Variants in TGDS observed in about 807,000 individuals in gnomAD.
The protein encoded by TGDS is UDP-D-glucose 4,6-dehydratase.
A neutral mutation model predicts 52.3 loss-of-function variants in TGDS; 47 were observed. The observed-to-expected ratio is 0.90, with a 90% CI of 0.71 to 1.15. The LOEUF (loss-of-function observed/expected upper bound fraction) is 1.15. Among genes scored for constraint, TGDS ranks in the 50% most tolerant of loss-of-function variants. The probability of loss-of-function intolerance (pLI) is 0.00; values close to 1 mark genes in which losing one functional copy is unlikely to be tolerated. For missense variants in TGDS, 375 were observed against 418.4 expected (o/e 0.90, Z 0.90); for synonymous variants, 115 against 136.9 (o/e 0.84, Z 1.12).
At chr13:94,589,535 C>T (rs1354412242) in intron 4 of TGDS, among the ~76,000 whole-genome samples, 2 of 151,906 alleles carry the variant, frequency 1.3e-5, no homozygotes, top group Admixed American at 6.6e-5. Context: ...AGGATGGTCT[C>T]GATTTCCTGA....
intron 10 of TGDS, 69 bp from the exon 11 acceptor site, chr13:94,576,480 ATG>A: frequency 9.3e-7 from 1 of 1,074,208 alleles, no homozygotes; most frequent in Non-Finnish European, 1.3e-6. Context: ...ATTAGGAGAT[ATG>A]TGTTTATGCA....
At chr13:94,583,686 G>T (rs1373375913) in intron 4 of TGDS, among the ~76,000 whole-genome samples, 2 of 152,070 alleles carry the variant, frequency 1.3e-5, no homozygotes, top group Non-Finnish European at 2.9e-5. Context: ...CCTTAATGAT[G>T]AATCACAATC....
intron 3 of TGDS, 92 bp downstream of exon 3, chr13:94,592,149 A>G: frequency 1.1e-6 from 1 of 920,644 alleles, no homozygotes; most frequent in Non-Finnish European, 1.6e-6. Flanking sequence ...GTTCTTTTCA[A>G]GCCCACATTA....
At chr13:94,590,191 T>G (rs1889148794) in intron 4 of TGDS, among the ~76,000 whole-genome samples, 1 of 147,912 alleles carries the variant, frequency 6.8e-6, no homozygotes, top group Admixed American at 6.8e-5. Flanking sequence ...AAAATATATA[T>G]TTAACATATA....
intron 4 of TGDS, 49 bp downstream of exon 4, chr13:94,590,804 G>A: frequency 2.1e-6 from 3 of 1,419,850 alleles, no homozygotes; most frequent in Non-Finnish European, 2.9e-6. Context: ...GGGGGGCGAG[G>A]GCGGGGAGAG....
intron 1 of TGDS, among the ~76,000 whole-genome samples, chr13:94,595,413 G>C (rs1889340180): frequency 6.6e-6 from 1 of 152,186 alleles, no homozygotes; most frequent in African/African-American, 2.4e-5. Context: ...TGACTTGTAT[G>C]TGAGCAACAG....
At chr13:94,578,658 A>G in intron 8 of TGDS, 72 bp downstream of exon 8, 2 of 1,178,398 alleles carry the variant, frequency 1.7e-6, no homozygotes, top group Non-Finnish European at 2.5e-6. Flanking sequence ...ACTTTATGAT[A>G]TTTAAGAAAG....
At chr13:94,585,023 A>T (rs923468400) in intron 4 of TGDS, among the ~76,000 whole-genome samples, 2 of 152,124 alleles carry the variant, frequency 1.3e-5, no homozygotes, top group African/African-American at 4.8e-5. Context: ...TTTCCATAAC[A>T]ATTAAATCTC....
At chr13:94,581,314 C>A in intron 5 of TGDS, 125 bp from the exon 6 acceptor site, 1 of 562,064 alleles carries the variant, frequency 1.8e-6, no homozygotes, top group Non-Finnish European at 3.0e-6. Flanking sequence ...ATCCTATGTG[C>A]CTGGTGTTTT....
chr13:94,586,229 T>C (rs1594449657), intron 4 of TGDS, among the ~76,000 whole-genome samples: 1 of 151,876 alleles, frequency 6.6e-6, no homozygotes, highest in Admixed American at 6.6e-5. Flanking sequence ...TCAGAATGGG[T>C]TTAAAAAAAT....
rs769212951 is a variant in TGDS at position 94,578,751 on chromosome 13, A to G, written c.638T>C (p.Leu213Ser). Residue 213 changes from leucine to serine, a missense_variant, in exon 8 of 12, where the codon TTG (leucine) becomes TCG (serine). Leu to Ser is a moderately radical substitution (Grantham distance 145, BLOSUM62 -2). Transcript: ENST00000261296. ...ATACCATTTCCTGTTGTGCTGTAGC[A>G]AAGATATAAATTTTGGAATAACCTA... is the stretch of plus-strand genomic sequence containing the variant. ...PEKVIPKFIS[L>S]LQHNRKCCIH... The G allele has an allele frequency of 6.5e-7, 1 of 1,530,322 alleles. No individual in the cohort carries two copies. Among genetic ancestry groups the G allele is most frequent in the Non-Finnish European group, 9.0e-7 (1 of 1,108,886 alleles). The allele number at this position is 1,530,322 out of a possible 1,614,324, so 94.8% of individuals were successfully genotyped here. A position where few individuals can be genotyped will look rare whatever the true frequency, so the allele number is the denominator to read the frequency against.
rs113925157 is a variant in TGDS, at chr13:94,596,035, C to T, written c.86+16G>A. The T allele has an allele frequency of 5.1e-4, 819 of 1,613,828 alleles. 4 individuals are homozygous for T. In the African/African-American group the frequency reaches 1.0e-2, roughly 20 times the overall value. ...TTCTGGGGAGCCACTGCTTGGCTAG[C>T]GGCGCCATTACCTACATGAAACCAG... On this transcript the variant is annotated intron_variant, in intron 1 of 11. Transcript: ENST00000261296.
chr13:94,578,883 C>T (rs1159032887), intron 7 of TGDS, 110 bp from the exon 8 acceptor site: 3 of 592,126 alleles, frequency 5.1e-6, no homozygotes, highest in Non-Finnish European at 8.6e-6. Context: ...TGGATTGCTT[C>T]TAATTATTTT....
rs117611777 is a variant in TGDS at position 94,579,091 on chromosome 13, A to G, written c.616-318T>C. 3.5e-4 allele frequency among the ~76,000 whole-genome samples: 53 copies of G among 152,370 alleles called. No individual in the cohort carries two copies. The East Asian group carries it at 9.6e-3, about 28-fold the overall frequency. Reference sequence around the variant, plus strand: ...TCATAAGGGCAGATATTTGTATCTTACTTATTGCTTTACATATAGCACCTA... The same window carrying G: ...TCATAAGGGCAGATATTTGTATCTTGCTTATTGCTTTACATATAGCACCTA... On this transcript the variant is annotated intron_variant, in intron 7 of 11. Transcript: ENST00000261296.
intron 6 of TGDS, 80 bp downstream of exon 6, chr13:94,581,011 G>GAAA: frequency 5.4e-6 from 4 of 745,772 alleles, no homozygotes; most frequent in Admixed American, 3.2e-5. Flanking sequence ...TTGAAAAAAA[G>GAAA]AAAAAAAAAA....
intron 5 of TGDS, among the ~76,000 whole-genome samples, chr13:94,581,935 C>T (rs1888808687): frequency 1.3e-5 from 2 of 152,170 alleles, no homozygotes; most frequent in Non-Finnish European, 2.9e-5. Context: ...CACAGTGGCT[C>T]ATACCTATAA....
At chr13:94,596,169 A>T, upstream of TGDS, 1 of 1,604,972 alleles carries the variant, frequency 6.2e-7, no homozygotes, top group Non-Finnish European at 8.5e-7. Flanking sequence ...TACCGTAAAG[A>T]GTATGGTCTG....
chr13:94,583,085 T>G lies in TGDS; in HGVS notation c.456+9A>C, dbSNP rs771856791. The G allele has an allele frequency of 5.2e-5, 84 of 1,611,002 alleles. No individual in the cohort carries two copies. The highest frequency in any genetic ancestry group is 1.6e-4 in the Middle Eastern group (1 of 6,068). ...TTAAGTAGGTAAAATATACATTTTC[T>G]AAGCTCACCTTATCAAGACTGCCAC... is the stretch of plus-strand genomic sequence containing the variant. On this transcript the variant is annotated intron_variant, in intron 5 of 11. Coordinates refer to ENST00000261296, the MANE Select transcript of TGDS (RefSeq NM_014305.4).
intron 4 of TGDS, 82 bp from the exon 5 acceptor site, chr13:94,583,318 G>C (rs1888867312): frequency 3.5e-6 from 5 of 1,420,590 alleles, no homozygotes; most frequent in Non-Finnish European, 4.7e-6. Flanking sequence ...GGTTTAAGGA[G>C]AGTACTAGTC....
Sources: allele counts gnomAD v4.1 joint callset (sites outside exome capture counted in the v4.1 genomes callset), GRCh38; gene constraint gnomAD v4.1.1; transcripts MANE v1.5; gene names NCBI Gene and HGNC (gene_info 2026-07-23, HGNC 2026-07-21).